ZFAT: variants seen among roughly 807,000 people sequenced by gnomAD.
The protein encoded by ZFAT is zinc finger protein ZFAT.
Under a neutral mutation model 117.7 loss-of-function variants are expected in ZFAT, and 64 were observed. That is an observed-to-expected ratio of 0.54 (90% CI 0.44 to 0.67). ZFAT has a LOEUF of 0.67. Ranked by LOEUF, ZFAT falls within the 30% of genes least tolerant of loss-of-function variation. The pLI is 0.00. For missense variants in ZFAT, 1,433 were observed against 1,584.5 expected, an observed-to-expected ratio of 0.90 and a Z score of 1.62; for synonymous variants, 679 against 615.0, an observed-to-expected ratio of 1.10 and a Z score of -1.54.
At chr8:134,663,981 C>T (rs565192156) in intron 1 of ZFAT, among the ~76,000 whole-genome samples, 4 of 152,174 alleles carry the variant, frequency 2.6e-5, no homozygotes, top group East Asian at 3.9e-4. Context: ...TCATGAAGAC[C>T]GTGAGCAGAG....
chr8:134,749,096 T>A, the ZFAT span, among the ~76,000 whole-genome samples: 2 of 152,204 alleles, frequency 1.3e-5, no homozygotes, highest in Admixed American at 6.5e-5. Context: ...GTGGCTTGTA[T>A]TTTAACTCTT....
chr8:134,568,353 A>C (rs1402351914), intron 10 of ZFAT, among the ~76,000 whole-genome samples: 1 of 152,280 alleles, frequency 6.6e-6, no homozygotes, highest in South Asian at 2.1e-4. Context: ...ACAGGGCCAC[A>C]CATTTCTACA....
chr8:134,606,729 G>GAA (rs75459456), intron 5 of ZFAT, among the ~76,000 whole-genome samples: 38 of 47,744 alleles, frequency 8.0e-4, no homozygotes, highest in African/African-American at 1.5e-3. Context: ...CTCTGTCTCA[G>GAA]AAAAAAAAAA....
intron 5 of ZFAT, 42 bp downstream of exon 5, chr8:134,608,687 A>T: frequency 1.3e-6 from 2 of 1,596,420 alleles, no homozygotes; most frequent in Non-Finnish European, 1.7e-6. Flanking sequence ...GTTCACTCAC[A>T]TGCAACCTCT....
the ZFAT span, among the ~76,000 whole-genome samples, chr8:134,817,427 A>G: frequency 2.5e-5 from 3 of 121,442 alleles, no homozygotes; most frequent in Admixed American, 8.3e-5. Context: ...ACACACACAC[A>G]CACACACACA....
At chr8:134,800,585 GT>G in the ZFAT span, 1 of 514,530 alleles carries the variant, frequency 1.9e-6, no homozygotes. Context: ...AGTGTAGGAT[GT>G]TTACATGAAC....
chr8:134,631,375 A>C (rs1250984593), intron 3 of ZFAT, among the ~76,000 whole-genome samples: 1 of 152,208 alleles, frequency 6.6e-6, no homozygotes, highest in African/African-American at 2.4e-5. Flanking sequence ...GGTAGAAATG[A>C]GAGTGGTCTT....
chr8:134,657,736 T>C lies in ZFAT; in HGVS notation c.21A>G (p.Glu7=). ...ATTTACACATAAAGATGGCCGTGTT[T>C]TCTGTAAGGAAAAAAAAGGAAAATA... METRAA[E]NTAIFMCKCC... The change falls in exon 2 of 16, where the codon GAA becomes GAG. Residue 7 remains glutamate (E), a splice_region_variant and synonymous_variant. Transcript: ENST00000377838. 1 of 1,607,366 alleles carries C rather than the reference T, an allele frequency of 6.2e-7. No homozygotes were observed.
intron 3 of ZFAT, among the ~76,000 whole-genome samples, chr8:134,635,880 A>T (rs973086639): frequency 6.6e-6 from 1 of 152,190 alleles, no homozygotes; most frequent in Non-Finnish European, 1.5e-5. Context: ...TTCTGAAATG[A>T]CAGCACTCCG....
At chr8:134,636,116 T>C (rs530804121) in intron 3 of ZFAT, among the ~76,000 whole-genome samples, 3 of 152,310 alleles carry the variant, frequency 2.0e-5, no homozygotes, top group African/African-American at 4.8e-5. Context: ...TAAATATTAG[T>C]TGATGAGTTA....
intron 1 of ZFAT, among the ~76,000 whole-genome samples, chr8:134,660,606 C>T (rs562735288): frequency 6.6e-6 from 1 of 152,288 alleles, no homozygotes; most frequent in East Asian, 1.9e-4. Context: ...ATTTTATAGA[C>T]ATGTCACAGA....
chr8:134,765,045 C>G, the ZFAT span: 1 of 152,140 alleles, frequency 6.6e-6, no homozygotes, highest in Non-Finnish European at 1.5e-5. Flanking sequence ...TTTAGGAAAT[C>G]CAGGAGCTGG....
At chr8:134,733,436 C>T in the ZFAT span, among the ~76,000 whole-genome samples, 2 of 152,178 alleles carry the variant, frequency 1.3e-5, no homozygotes, top group Non-Finnish European at 2.9e-5. Context: ...GTTTCCTGCC[C>T]CTGGGGTGTT....
chr8:134,674,932 A>G (rs1276849995), intron 1 of ZFAT: 2 of 155,382 alleles, frequency 1.3e-5, no homozygotes, highest in African/African-American at 4.8e-5. Context: ...ACTGACAAAC[A>G]GAATGGAATA....
At chr8:134,625,856 T>C (rs942106498) in intron 3 of ZFAT, among the ~76,000 whole-genome samples, 1 of 152,120 alleles carries the variant, frequency 6.6e-6, no homozygotes, top group Non-Finnish European at 1.5e-5. Context: ...CGTGAGACCG[T>C]TAATTAGAGC....
chr8:134,656,056 T>C (rs541243667), intron 2 of ZFAT, among the ~76,000 whole-genome samples: 1 of 152,282 alleles, frequency 6.6e-6, no homozygotes, highest in South Asian at 2.1e-4. Context: ...AGCAAGTCAC[T>C]GACTGCTCAG....
chr8:134,740,345 A>G, the ZFAT span, among the ~76,000 whole-genome samples: 7 of 152,204 alleles, frequency 4.6e-5, no homozygotes, highest in African/African-American at 1.7e-4. Context: ...AGCATTGTCA[A>G]TGGAAGGTGA....
chr8:134,618,093 C>T (rs1338151568), intron 3 of ZFAT, among the ~76,000 whole-genome samples: 2 of 152,142 alleles, frequency 1.3e-5, no homozygotes, highest in African/African-American at 4.8e-5. Context: ...TCTGAGGCCT[C>T]CCCAGCCAAG....
At chr8:134,607,508 G>A (rs1310391179) in intron 5 of ZFAT, among the ~76,000 whole-genome samples, 1 of 152,236 alleles carries the variant, frequency 6.6e-6, no homozygotes, top group Non-Finnish European at 1.5e-5. Context: ...CGTGTGTCAA[G>A]TTACAATGGA....
Sources: gnomAD v4.1 joint callset for allele counts (sites outside exome capture counted in the v4.1 genomes callset) on GRCh38, gnomAD v4.1.1 for gene constraint, MANE v1.5 for transcripts, NCBI Gene and HGNC (gene_info 2026-07-23, HGNC 2026-07-21) for gene names.